Variants in ACSM3 observed in about 807,000 individuals in gnomAD.
The protein encoded by ACSM3 is acyl-coenzyme A synthetase ACSM3, mitochondrial.
ACSM3 carries 61 observed loss-of-function variants against 74.1 expected under a neutral mutation model. The ratio of observed to expected loss-of-function variants is 0.82; its 90% CI spans 0.67 to 1.02. The LOEUF (loss-of-function observed/expected upper bound fraction) is 1.02, where lower values mean the gene tolerates loss of function less well. Among genes scored for constraint, ACSM3 ranks in the 50% least tolerant of loss-of-function variants. The pLI is 0.00. For missense variants in ACSM3, 660 were observed against 697.0 expected (o/e 0.95, Z 0.60); for synonymous variants, 213 against 241.5 (o/e 0.88, Z 1.09).
Position 20,785,014 on chromosome 16 carries a change from G to A in ACSM3, c.1050G>A (p.Val350=), listed in dbSNP as rs756112490. 1 of 1,613,604 alleles carries A rather than the reference G, an allele frequency of 6.2e-7. No homozygotes were observed. The highest frequency in any genetic ancestry group is 8.5e-7 in the Non-Finnish European group (1 of 1,179,652). The change falls in exon 8 of 14, where the codon GTG becomes GTA. Residue 350 remains valine, a synonymous_variant. Transcript: ENST00000289416. ...SYKFKSLKHC[V]SAGEPITPDV... ...AGTTTAAAAGCTTAAAGCACTGTGT[G>A]AGTGCTGGGGAACCAATTACCCCTG...
chr16:20,686,728 AG>A (rs1362636189), intron 1 of ACSM3, among the ~76,000 whole-genome samples: 1 of 152,010 alleles, frequency 6.6e-6, no homozygotes, highest in Non-Finnish European at 1.5e-5. Flanking sequence ...GCAGGAGGAT[AG>A]CCTGAGCCCA....
chr16:20,774,487 C>T (rs2080231683), intron 2 of ACSM3, among the ~76,000 whole-genome samples: 1 of 152,128 alleles, frequency 6.6e-6, no homozygotes, highest in South Asian at 2.1e-4. Context: ...GTGATCCGCC[C>T]GCCTTGGCCT....
At chr16:20,783,615 A>T (rs1161904278) in intron 7 of ACSM3, 2 of 152,190 alleles carry the variant, frequency 1.3e-5, no homozygotes, top group Non-Finnish European at 2.9e-5. Context: ...AACTGATGTT[A>T]TTTAATTATC....
At chr16:20,763,924 G>A (rs557856109), upstream of ACSM3, 1 of 152,340 alleles carries the variant, frequency 6.6e-6, no homozygotes, top group East Asian at 1.9e-4. Flanking sequence ...TTAGCCCAGA[G>A]CTTGGCTCCT....
intron 9 of ACSM3, chr16:20,786,443 G>A: frequency 2.2e-6 from 1 of 450,008 alleles, no homozygotes; most frequent in Non-Finnish European, 3.5e-6. Flanking sequence ...CACTTTGGGA[G>A]GCCAAGGCGG....
In ACSM3 at chr16:20,770,161, T is replaced by C. The variant is rs1596511092; in HGVS notation, c.127T>C (p.Tyr43His). The C allele has an allele frequency of 6.2e-7, 1 of 1,614,176 alleles. No individual in the cohort carries two copies. The highest frequency in any genetic ancestry group is 2.2e-5 in the East Asian group (1 of 44,892). ...AGCAACCCCTCAGAATTTCTCCAAC[T>C]ATGAATCCATGAAACAGGACTTCAA... Reference protein sequence around the residue: ...RTATPQNFSNYESMKQDFKLG... With the variant: ...RTATPQNFSNHESMKQDFKLG... Residue 43 changes from tyrosine (Y) to histidine (H), a missense_variant, in exon 2 of 14, where the codon TAT becomes CAT. Physicochemically the swap from Tyr to His is moderately conservative, Grantham distance 83. Transcript: ENST00000289416.
At chr16:20,770,772 A>G (rs1413222769) in intron 2 of ACSM3, among the ~76,000 whole-genome samples, 2 of 152,176 alleles carry the variant, frequency 1.3e-5, no homozygotes, top group East Asian at 1.9e-4. Flanking sequence ...TGTAATAACT[A>G]TACATAGTTA....
At chr16:20,708,790 G>A (rs575824594) in intron 1 of ACSM3, among the ~76,000 whole-genome samples, 4 of 152,240 alleles carry the variant, frequency 2.6e-5, no homozygotes, top group East Asian at 1.9e-4. Context: ...ATGGAACCAC[G>A]AAAGATCTCA....
intron 1 of ACSM3, chr16:20,691,303 T>C: frequency 2.3e-6 from 2 of 876,298 alleles, no homozygotes; most frequent in Non-Finnish European, 3.4e-6. Flanking sequence ...ATTGGGTGCA[T>C]GTTTTTGGTT....
chr16:20,723,152 C>T (rs902899317), intron 1 of ACSM3, among the ~76,000 whole-genome samples: 6 of 151,906 alleles, frequency 3.9e-5, no homozygotes, highest in Admixed American at 6.6e-5. Flanking sequence ...TTTGTCCTTG[C>T]GATAGTTTGC....
chr16:20,678,546 G>A (rs1048533379), intron 1 of ACSM3, among the ~76,000 whole-genome samples: 2 of 152,178 alleles, frequency 1.3e-5, no homozygotes, highest in African/African-American at 2.4e-5. Context: ...ACCTTTTCAG[G>A]ATAAGTCAAG....
At chr16:20,748,651 G>A (rs1332401798) in intron 1 of ACSM3, among the ~76,000 whole-genome samples, 1 of 152,202 alleles carries the variant, frequency 6.6e-6, no homozygotes, top group Non-Finnish European at 1.5e-5. Context: ...AGTTGAGGTT[G>A]AGACTCAGGC....
chr16:20,754,491 C>T (rs569982587), intron 2 of ACSM3, among the ~76,000 whole-genome samples: 1 of 152,276 alleles, frequency 6.6e-6, no homozygotes, highest in East Asian at 1.9e-4. Context: ...TTGAACTTCC[C>T]ACCAGAACAG....
At chr16:20,686,578 A>C (rs1233905643) in intron 1 of ACSM3, among the ~76,000 whole-genome samples, 3 of 152,222 alleles carry the variant, frequency 2.0e-5, no homozygotes, top group African/African-American at 7.2e-5. Context: ...CATGACACGC[A>C]TATACCTACA....
chr16:20,741,481 G>GGGGGGGGGGGGGGCCCCCCCCCCCC, intron 1 of ACSM3: 2 of 1,308,414 alleles, frequency 1.5e-6, no homozygotes, highest in Non-Finnish European at 2.0e-6. Flanking sequence ...CTGGCAGCCG[G>GGGGGGGGGGGGGGCCCCCCCCCCCC]CCCGCCCGCC....
In ACSM3 at chr16:20,743,375, G is replaced by A. The variant is rs572624418; in HGVS notation, c.-189-6535G>A. 6.6e-5 allele frequency among the ~76,000 whole-genome samples: 10 copies of A among 152,274 alleles called. No homozygotes were observed. The South Asian group carries it at 1.9e-3, about 28-fold the overall frequency. ...CTTAAAACCAAGGATGTTGGCTGGT[G>A]TTGTTTCATGCTGCTTTCGTTGCGG... is the stretch of plus-strand genomic sequence containing the variant. On this transcript the variant is annotated intron_variant, in intron 1 of 3. Transcript: ENST00000561584.
At chr16:20,718,467 C>T (rs977208483) in intron 1 of ACSM3, 1 of 473,334 alleles carries the variant, frequency 2.1e-6, no homozygotes, top group Non-Finnish European at 3.4e-6. Context: ...AGAGCAGCTT[C>T]AGCATTGGGT....
chr16:20,755,596 A>G (rs927918471), exon 3 of ACSM3: 1 of 150,914 alleles, frequency 6.6e-6, no homozygotes, highest in African/African-American at 2.4e-5. Flanking sequence ...AGCCGCTAAA[A>G]CCCCTGGAAT....
At chr16:20,736,578 G>A (rs543588615) in intron 1 of ACSM3, 37 of 296,250 alleles carry the variant, frequency 1.2e-4, no homozygotes, top group African/African-American at 7.4e-4. Context: ...TTCACAGGTA[G>A]TTCACTCCCT....
Sources: allele counts gnomAD v4.1 joint callset (sites outside exome capture counted in the v4.1 genomes callset), GRCh38; gene constraint gnomAD v4.1.1; transcripts MANE v1.5; gene names NCBI Gene and HGNC (gene_info 2026-07-23, HGNC 2026-07-21).